PBXIP1: variants seen among roughly 807,000 people sequenced by gnomAD.
The protein encoded by PBXIP1 is pre-B-cell leukemia transcription factor-interacting protein 1.
PBXIP1 carries 73 observed loss-of-function variants against 73.7 expected under a neutral mutation model. The ratio of observed to expected loss-of-function variants is 0.99; its 90% CI spans 0.82 to 1.20. The LOEUF (loss-of-function observed/expected upper bound fraction) is 1.20, where lower values mean the gene tolerates loss of function less well. Among genes scored for constraint, PBXIP1 ranks in the 50% most tolerant of loss-of-function variants. The pLI is 0.00. For synonymous variants in PBXIP1, 330 were observed against 366.9 expected (o/e 0.90, Z 1.15); for missense variants, 818 against 911.4 (o/e 0.90, Z 1.32).
chr1:154,946,840 G>A (rs1416615448), intron 9 of PBXIP1, 37 bp from the exon 10 acceptor site: 2 of 1,505,896 alleles, frequency 1.3e-6, no homozygotes, highest in African/African-American at 2.8e-5. Context: ...GTCACAAAGA[G>A]TTCTTGTCAG....
rs920176653 is a variant in PBXIP1, at chr1:154,951,077, G to A, written c.409+155C>T. On this transcript the variant is annotated intron_variant, in intron 5 of 10. Transcript: ENST00000368463. This position sits in a 1 kb window ranked among gnomAD's most constrained non-coding sequence, Gnocchi z 4.3. ...CTTGGTCAAGTCATTCAACCTTTCT[G>A]GGCCTCAACGTCCCAGGGGTAGTGG... 7.2e-5 allele frequency among the ~76,000 whole-genome samples: 11 copies of A among 152,236 alleles called. No individual in the cohort carries two copies. Among genetic ancestry groups the A allele is most frequent in the Non-Finnish European group, 1.2e-4 (8 of 68,040 alleles).
Position 154,951,952 on chromosome 1 carries a change from CACCCAAG to C in PBXIP1, c.52-38_52-32del. 1 of 1,583,142 alleles carries C rather than the reference CACCCAAG, an allele frequency of 6.3e-7. No individual in the cohort carries two copies. Among genetic ancestry groups the C allele is most frequent in the Non-Finnish European group, 8.5e-7 (1 of 1,170,250 alleles). On this transcript the variant is annotated intron_variant, in intron 2 of 10. Transcript: ENST00000368463. The surrounding 1 kb of genome is among the most constrained non-coding windows in gnomAD (Gnocchi z 4.3). ...AGGAGAAGTGCAAGGAGAAGGGCTG[CACCCAAG>C]AATGGGGCCCCAGCCCACATCCCAG...
chr1:154,945,086 G>C lies in PBXIP1; in HGVS notation c.2134C>G (p.Pro712Ala). 6.8e-6 allele frequency: 11 copies of C among 1,614,110 alleles called. No individual in the cohort carries two copies. The highest frequency in any genetic ancestry group is 9.3e-6 in the Non-Finnish European group (11 of 1,179,950). The change falls in exon 11 of 11, where the codon CCA becomes GCA. Residue 712 changes from proline (P) to alanine (A), a missense_variant. Transcript: ENST00000368463. ...SGKKDKHSQS[P>A]RAAGPREGHS... Reference sequence around the variant, plus strand: ...CCCTCCCTGGGCCCCGCAGCTCTTGGGCTCTGTGAGTGCTTGTCCTTCTTC... The same window carrying C: ...CCCTCCCTGGGCCCCGCAGCTCTTGCGCTCTGTGAGTGCTTGTCCTTCTTC...
At chr1:154,952,293 G>A (rs1408471551) in intron 2 of PBXIP1, among the ~76,000 whole-genome samples, 13 of 152,192 alleles carry the variant, frequency 8.5e-5, no homozygotes, top group Admixed American at 8.5e-4. Context: ...TCCCCTGGGT[G>A]CCCACGGGTC....
In PBXIP1 at chr1:154,951,676, C is replaced by T. The variant is rs1033853297; in HGVS notation, c.178+119G>A. 1 of 1,426,114 alleles carries T rather than the reference C, an allele frequency of 7.0e-7. No individual in the cohort carries two copies. The highest frequency in any genetic ancestry group is 1.4e-5 in the African/African-American group (1 of 69,914). 88.3% of individuals were successfully genotyped at this position (1,426,114 alleles called of 1,614,324 possible). ...TGGAATGAGAAAAGGAGTTTGTCAA[C>T]TGAGATTAATGGAGGAACTAAAACG... On this transcript the variant is annotated intron_variant, in intron 3 of 10. Coordinates refer to ENST00000368463, the MANE Select transcript of PBXIP1 (RefSeq NM_020524.4). This position sits in a 1 kb window ranked among gnomAD's most constrained non-coding sequence, Gnocchi z 4.3.
At chr1:154,952,240 G>A (rs1482697854) in intron 2 of PBXIP1, among the ~76,000 whole-genome samples, 1 of 152,170 alleles carries the variant, frequency 6.6e-6, no homozygotes, top group Non-Finnish European at 1.5e-5. Flanking sequence ...GAACAACCCA[G>A]ATATTATAAT....
In PBXIP1 at chr1:154,946,044, T is replaced by C. The variant is rs780861473; in HGVS notation, c.1630A>G (p.Lys544Glu). ...KRQGPKEPPR[K>E]SGSFHSSGEK... ...CCAGAGGAGTGGAAGCTACCACTTT[T>C]CCTTGGGGGTTCCTTCGGGCCCTGT... is the stretch of plus-strand genomic sequence containing the variant. Residue 544 changes from lysine (K) to glutamate (E), a missense_variant, in exon 10 of 11, where the codon AAA becomes GAA. Transcript: ENST00000368463. 8.7e-6 allele frequency: 14 copies of C among 1,614,026 alleles called. No homozygotes were observed. The South Asian group carries it at 1.5e-4, about 18-fold the overall frequency.
In PBXIP1 at chr1:154,951,470, C is replaced by G. The variant is rs748421951; in HGVS notation, c.243+1G>C. 2.5e-6 allele frequency: 4 copies of G among 1,614,000 alleles called. No homozygotes were observed. The highest frequency in any genetic ancestry group is 2.7e-5 in the African/African-American group (2 of 74,912). On this transcript the variant is annotated splice_donor_variant, in intron 4 of 10. Coordinates refer to ENST00000368463, the MANE Select transcript of PBXIP1 (RefSeq NM_020524.4). LOFTEE classifies it high-confidence loss of function. The surrounding 1 kb of genome is among the most constrained non-coding windows in gnomAD (Gnocchi z 4.3). ...TTCCTTCCCACAGCAAATCTCCTCA[C>G]CTTGACCTCAGTCTCCTCTGTTAGA...
In PBXIP1 at chr1:154,944,746, G is replaced by A; in HGVS notation, c.*278C>T. 2.5e-6 allele frequency: 1 copy of A among 403,486 alleles called. No individual in the cohort carries two copies. The highest frequency in any genetic ancestry group is 4.5e-6 in the Non-Finnish European group (1 of 221,114). The allele number at this position is 403,486 out of a possible 1,614,324, so 25.0% of individuals were successfully genotyped here. A position where few individuals can be genotyped will look rare whatever the true frequency, so the allele number is the denominator to read the frequency against. On this transcript the variant is annotated 3_prime_UTR_variant, in exon 11 of 11. Transcript: ENST00000368463. ...CTTCCCCAGACCCCACCCCAAAACA[G>A]GCTCCTCTCCCATCTCCCCCTTCAC...
chr1:154,951,438 G>A lies in PBXIP1; in HGVS notation c.243+33C>T, dbSNP rs116502630. 538 of 1,613,824 alleles carry A rather than the reference G, an allele frequency of 3.3e-4. 2 individuals carry two copies. In the African/African-American group the frequency reaches 6.3e-3, roughly 19 times the overall value. ...CAGTGAGCAGCTGCTAGCCCTCCCC[G>A]CCTCCCTTCCTTCCCACAGCAAATC... On this transcript the variant is annotated intron_variant, in intron 4 of 10. Coordinates refer to ENST00000368463, the MANE Select transcript of PBXIP1 (RefSeq NM_020524.4). This position sits in a 1 kb window ranked among gnomAD's most constrained non-coding sequence, Gnocchi z 4.3.
intron 1 of PBXIP1, among the ~76,000 whole-genome samples, chr1:154,954,724 G>A (rs1157178386): frequency 1.3e-5 from 2 of 152,318 alleles, no homozygotes. Flanking sequence ...AAGCCTGACT[G>A]ACACAAAGCA....
intron 1 of PBXIP1, among the ~76,000 whole-genome samples, chr1:154,954,183 C>T (rs1275463175): frequency 3.9e-5 from 6 of 152,188 alleles, no homozygotes; most frequent in African/African-American, 1.4e-4. Flanking sequence ...CTTCACAACA[C>T]CAGGTACCTA....
chr1:154,945,879 CCTCCTG>C lies in PBXIP1; in HGVS notation c.1789_1794del (p.Gln597_Glu598del). The C allele has an allele frequency of 6.2e-7, 1 of 1,614,102 alleles. No individual in the cohort carries two copies. Among genetic ancestry groups the C allele is most frequent in the East Asian group, 2.2e-5 (1 of 44,878 alleles). ...AGCTCTGTGCCAAAGAAAGTCAGGC[CCTCCTG>C]CCGGGCACACTCGTCCACACCTGAG... is the stretch of plus-strand genomic sequence containing the variant. On this transcript the variant is annotated inframe_deletion, in exon 10 of 11. Coordinates refer to ENST00000368463, the MANE Select transcript of PBXIP1 (RefSeq NM_020524.4).
chr1:154,953,245 G>A (rs1261895130), intron 2 of PBXIP1, among the ~76,000 whole-genome samples: 1 of 152,140 alleles, frequency 6.6e-6, no homozygotes, highest in Non-Finnish European at 1.5e-5. Flanking sequence ...GAGGCCTGAA[G>A]GCCTCAGCCA....
In PBXIP1 at chr1:154,951,344, T is replaced by C. The variant is rs202224308; in HGVS notation, c.297A>G (p.Thr99=). 26 of 1,614,022 alleles carry C rather than the reference T, an allele frequency of 1.6e-5. No individual in the cohort carries two copies. ...TCTCCTGCAGGTCTCCCTGGACTAC[T>C]GTGTCTCCTGGGCCAGGAGGCTCCA... ...CGVEPPGPGD[T]VVQGDLQETT... The change falls in exon 5 of 11, where the codon ACA becomes ACG. Residue 99 remains threonine (T), a synonymous_variant. Transcript: ENST00000368463. The surrounding 1 kb of genome is among the most constrained non-coding windows in gnomAD (Gnocchi z 4.3).
At chr1:154,948,917 C>A (rs760389938) in intron 5 of PBXIP1, among the ~76,000 whole-genome samples, 2 of 152,186 alleles carry the variant, frequency 1.3e-5, no homozygotes, top group Non-Finnish European at 2.9e-5. Context: ...TGGCCACTCC[C>A]TCTGGGACCA....
chr1:154,954,532 G>A (rs111281706), intron 1 of PBXIP1, among the ~76,000 whole-genome samples: 7 of 152,130 alleles, frequency 4.6e-5, no homozygotes, highest in Non-Finnish European at 8.8e-5. Context: ...CTTAGTAATC[G>A]CCAGAGTTTG....
intron 1 of PBXIP1, among the ~76,000 whole-genome samples, 158 bp downstream of exon 1, chr1:154,955,911 A>C (rs975851747): frequency 2.0e-5 from 3 of 152,240 alleles, no homozygotes; most frequent in Admixed American, 6.5e-5. Flanking sequence ...GGGTACCCAG[A>C]GCAAGTTCCT....
chr1:154,949,887 TG>T (rs1654951380), intron 5 of PBXIP1, among the ~76,000 whole-genome samples: 1 of 152,280 alleles, frequency 6.6e-6, no homozygotes, highest in Non-Finnish European at 1.5e-5. Flanking sequence ...GACAGACGCC[TG>T]GCCTAGGTGG....
Sources: allele counts gnomAD v4.1 joint callset (sites outside exome capture counted in the v4.1 genomes callset), GRCh38; gene constraint gnomAD v4.1.1; non-coding constraint Gnocchi (gnomAD v3.1); transcripts MANE v1.5; gene names NCBI Gene and HGNC (gene_info 2026-07-23, HGNC 2026-07-21).